The following MYH9 variants were observed in gnomAD, a reference collection of about 807,000 sequenced individuals.
MYH9 encodes myosin-9.
Under a neutral mutation model 241.9 loss-of-function variants are expected in MYH9, and 29 were observed. The ratio of observed to expected loss-of-function variants is 0.12; its 90% confidence interval spans 0.09 to 0.16. The LOEUF (loss-of-function observed/expected upper bound fraction) is 0.16. Ranked by LOEUF, MYH9 falls within the 10% of genes least tolerant of loss-of-function variation. The pLI is 1.00. For missense variants in MYH9, 1,803 were observed against 2,595.5 expected (o/e 0.69, Z 6.63); for synonymous variants, 1,047 against 1,062.6 (o/e 0.99, Z 0.29).
chr22:36,385,160 G>C (rs919124945), intron 1 of MYH9, among the ~76,000 whole-genome samples: 1 of 145,554 alleles, frequency 6.9e-6, no homozygotes, highest in Non-Finnish European at 1.5e-5. Flanking sequence ...CAAGGCACGG[G>C]TTTTTTTTTT....
intron 25 of MYH9, among the ~76,000 whole-genome samples, chr22:36,296,510 A>C (rs1317690544): frequency 6.7e-6 from 1 of 148,836 alleles, no homozygotes; most frequent in Non-Finnish European, 1.5e-5. Flanking sequence ...TGCTGGGATC[A>C]CAGACGTGAG....
At chr22:36,292,488 C>T (rs1424944034) in intron 30 of MYH9, among the ~76,000 whole-genome samples, 1 of 152,230 alleles carries the variant, frequency 6.6e-6, no homozygotes, top group Admixed American at 6.5e-5. Flanking sequence ...TGGGGGCTCC[C>T]AGCCCACATC....
intron 3 of MYH9, among the ~76,000 whole-genome samples, chr22:36,332,368 C>T (rs1312901633): frequency 6.6e-6 from 1 of 152,208 alleles, no homozygotes; most frequent in African/African-American, 2.4e-5. Context: ...TCCTGGCAGC[C>T]TGCCTGCCTA....
chr22:36,331,371 A>G (rs1382109949), intron 3 of MYH9, among the ~76,000 whole-genome samples: 1 of 152,036 alleles, frequency 6.6e-6, no homozygotes, highest in African/African-American at 2.4e-5. Context: ...GAACCAGGCC[A>G]TTTTCTCCCT....
At position 36,300,802 on chromosome 22, in the gene MYH9, C is replaced by T. The variant is rs756653917; in HGVS notation, c.2838+49G>A. On this transcript the variant is annotated intron_variant, in intron 22 of 40. Transcript: ENST00000216181. This position sits in a 1 kb window ranked among gnomAD's most constrained non-coding sequence, Gnocchi z 5.0. ...GCTCCTGGTTCCTGCTCCTCCGCCC[C>T]GCCCTGCCCCTCCGGCGCCACCCCT... 38 of 1,592,842 alleles carry T rather than the reference C, an allele frequency of 2.4e-5. No individual in the cohort carries two copies. Among genetic ancestry groups the T allele is most frequent in the African/African-American group, 4.0e-5 (3 of 74,756 alleles).
intron 5 of MYH9, among the ~76,000 whole-genome samples, chr22:36,322,800 C>T (rs1473600728): frequency 2.0e-5 from 3 of 152,240 alleles, no homozygotes; most frequent in Non-Finnish European, 4.4e-5. Flanking sequence ...GCTCTAGGAA[C>T]CTGGCCCTGG....
intron 10 of MYH9, among the ~76,000 whole-genome samples, chr22:36,319,269 T>C (rs546266106): frequency 1.6e-4 from 25 of 152,256 alleles, no homozygotes; most frequent in Middle Eastern, 3.4e-3. Flanking sequence ...GCAGAAATCA[T>C]TGGTGTCCTG....
chr22:36,291,465 A>G (rs1448159132), intron 31 of MYH9, among the ~76,000 whole-genome samples: 1 of 151,782 alleles, frequency 6.6e-6, no homozygotes, highest in Non-Finnish European at 1.5e-5. Flanking sequence ...TTTGTTAAAC[A>G]GATGCTTGAA....
rs2017190244 is a variant in MYH9, at chr22:36,318,225, C to T, written c.1209G>A (p.Lys403=). 6.2e-7 allele frequency: 1 copy of T among 1,613,786 alleles called. No individual in the cohort carries two copies. The highest frequency in any genetic ancestry group is 1.7e-5 in the Admixed American group (1 of 60,026). The change falls in exon 11 of 41, where the codon AAG becomes AAA. Residue 403 remains lysine (K), a synonymous_variant. Transcript: ENST00000216181. ...RIKVGRDYVQ[K]AQTKEQADFA... ...GACATACCTGCTCTTTAGTCTGCGC[C>T]TTCTGGACGTAATCCCGTCCCACCT... is the stretch of plus-strand genomic sequence containing the variant.
intron 18 of MYH9, among the ~76,000 whole-genome samples, chr22:36,304,561 G>A (rs538176081): frequency 1.5e-4 from 23 of 152,320 alleles, no homozygotes; most frequent in African/African-American, 5.3e-4. Flanking sequence ...CTGAGTCACC[G>A]CAGGGCTTTC....
chr22:36,332,843 G>A (rs2017445465), intron 3 of MYH9, among the ~76,000 whole-genome samples: 2 of 152,044 alleles, frequency 1.3e-5, no homozygotes, highest in South Asian at 4.1e-4. Flanking sequence ...TGTGGGTGGG[G>A]CCAGGAGGGG....
rs993771157 is a variant in MYH9, at chr22:36,318,767, C to CT, written c.1109-443dup. ...ACAGCACAGGATCCCACAGGAATGT[C>CT]TTTTTTTTTTTTTGAGACGGCGTCT... is the stretch of plus-strand genomic sequence containing the variant. On this transcript the variant is annotated intron_variant, in intron 10 of 40. Coordinates refer to ENST00000216181, the MANE Select transcript of MYH9 (RefSeq NM_002473.6). Among the ~76,000 whole-genome samples the CT allele has an allele frequency of 1.7e-3, 243 of 146,012 alleles. 1 individual carries two copies. Among genetic ancestry groups the CT allele is most frequent in the East Asian group, 8.4e-3 (42 of 5,016 alleles).
intron 1 of MYH9, among the ~76,000 whole-genome samples, chr22:36,374,715 T>C (rs1422898219): frequency 2.6e-5 from 4 of 152,114 alleles, no homozygotes; most frequent in Admixed American, 6.5e-5. Context: ...CTCCCACATT[T>C]CCTGGGAAAT....
At chr22:36,317,380 G>C (rs1360360445) in intron 11 of MYH9, among the ~76,000 whole-genome samples, 3 of 151,656 alleles carry the variant, frequency 2.0e-5, no homozygotes, top group Admixed American at 2.0e-4. Flanking sequence ...TCCTTCTCTC[G>C]ATTTTTCTGT....
chr22:36,299,194 T>G (rs1603483017), intron 23 of MYH9, 152 bp from the exon 24 acceptor site: 3 of 1,202,782 alleles, frequency 2.5e-6, no homozygotes, highest in Admixed American at 3.8e-5. Context: ...GATCAAAGGA[T>G]AATTTTGAAA....
In MYH9 at chr22:36,385,132, T is replaced by C. The variant is rs76018978; in HGVS notation, c.-20+2675A>G. On this transcript the variant is annotated intron_variant, in intron 1 of 40. Coordinates refer to ENST00000216181, the MANE Select transcript of MYH9 (RefSeq NM_002473.6). ...TATTCTAAATATTTTTGGAACATGATGCTTGGGAGGAAGCTGTCAAGGCAC... is the reference window on the plus strand; with the variant it reads ...TATTCTAAATATTTTTGGAACATGACGCTTGGGAGGAAGCTGTCAAGGCAC... Among the ~76,000 whole-genome samples, 165 of 152,038 alleles carry C rather than the reference T, an allele frequency of 1.1e-3. 1 individual carries two copies. Among genetic ancestry groups the C allele is most frequent in the African/African-American group, 3.7e-3 (152 of 41,482 alleles).
Position 36,300,840 on chromosome 22 carries a change from C to T in MYH9, c.2838+11G>A, listed in dbSNP as rs751098015. The T allele has an allele frequency of 1.8e-5, 29 of 1,599,736 alleles. No individual in the cohort carries two copies. The highest frequency in any genetic ancestry group is 1.6e-4 in the East Asian group (7 of 44,898). The stretch of plus-strand genomic sequence containing the variant: ...CGGCGCCACCCCTCCCCGGGTGCAG[C>T]GGGCAGGAACCTGGATGTTCTGCTG... On this transcript the variant is annotated intron_variant, in intron 22 of 40. Transcript: ENST00000216181. The surrounding 1 kb of genome is among the most constrained non-coding windows in gnomAD (Gnocchi z 5.0).
Position 36,318,321 on chromosome 22 carries a change from G to A in MYH9, c.1113C>T (p.Ala371=), listed in dbSNP as rs1187471876. The A allele has an allele frequency of 1.9e-6, 3 of 1,612,768 alleles. No homozygotes were observed. Among genetic ancestry groups the A allele is most frequent in the South Asian group, 1.1e-5 (1 of 91,070 alleles). Residue 371 remains alanine (A), a synonymous_variant, in exon 11 of 41, where the codon GCC becomes GCT. Coordinates refer to ENST00000216181, the MANE Select transcript of MYH9 (RefSeq NM_002473.6). ...DQASMPDNTA[A]QKVSHLLGIN... ...TACCCAAGAGATGGGACACCTTTTG[G>A]GCAGCTAAGATTTTTCAGAGAATAA...
At position 36,321,802 on chromosome 22, in the gene MYH9, T is replaced by C. The variant is rs1185066318; in HGVS notation, c.725A>G (p.Asn242Ser). The C allele has an allele frequency of 6.2e-7, 1 of 1,614,162 alleles. No homozygotes were observed. The highest frequency in any genetic ancestry group is 1.1e-5 in the South Asian group (1 of 91,086). ...SSRFGKFIRI[N>S]FDVNGYIVGA... ...AACAATGTAGCCATTGACATCAAAG[T>C]TGATGCGAATGAATTTGCCCTAAGT... is the stretch of plus-strand genomic sequence containing the variant. The change falls in exon 7 of 41, where the codon AAC (asparagine) becomes AGC (serine). Residue 242 changes from asparagine (N) to serine (S), a missense_variant. Asn to Ser is a conservative substitution (Grantham distance 46). Coordinates refer to ENST00000216181, the MANE Select transcript of MYH9 (RefSeq NM_002473.6).
Sources: gnomAD v4.1 joint callset for allele counts (sites outside exome capture counted in the v4.1 genomes callset) on GRCh38, gnomAD v4.1.1 for gene constraint, Gnocchi (gnomAD v3.1) non-coding constraint, MANE v1.5 for transcripts, NCBI Gene and HGNC (gene_info 2026-07-23, HGNC 2026-07-21) for gene names.